The following PGBD4 variants were observed in gnomAD, a reference collection of about 807,000 sequenced individuals.
PGBD4 encodes piggyBac transposable element-derived protein 4.
PGBD4 carries 1 observed loss-of-function variant against 0.3 expected under a neutral mutation model. The observed-to-expected ratio is 3.72, with a 90% CI of 1.32 to 17.64. PGBD4 has a LOEUF of 17.64. PGBD4 is among the 30% of genes most tolerant of loss of function. PGBD4 has a pLI of 0.11. For synonymous variants in PGBD4, 253 were observed against 267.7 expected (o/e 0.95, Z 0.54); for missense variants, 624 against 719.7 (o/e 0.87, Z 1.52).
At position 34,102,109 on chromosome 15, in the gene PGBD4, T is replaced by G; in HGVS notation, c.-423T>G. On this transcript the variant is annotated 5_prime_UTR_variant, in exon 1 of 1. An upstream open reading frame in the 5' UTR loses its in-frame stop. Coordinates refer to ENST00000397766, the MANE Select transcript of PGBD4 (RefSeq NM_152595.5). The surrounding 1 kb of genome is among the most constrained non-coding windows in gnomAD (Gnocchi z 4.7). Reference sequence around the variant, plus strand: ...CCTATGAAGGGGACTGCCCATGAAGTGAAAGTCAAGTGTGTGTTGCTGCGG... The same window carrying G: ...CCTATGAAGGGGACTGCCCATGAAGGGAAAGTCAAGTGTGTGTTGCTGCGG... 1 of 516,804 alleles carries G rather than the reference T, an allele frequency of 1.9e-6. No individual in the cohort carries two copies. The highest frequency in any genetic ancestry group is 3.3e-5 in the East Asian group (1 of 30,424). The allele number at this position is 516,804 out of a possible 1,614,324, so 32.0% of individuals were successfully genotyped here. A position where few individuals can be genotyped will look rare whatever the true frequency, so the allele number is the denominator to read the frequency against.
In PGBD4 at chr15:34,103,002, C is replaced by G; in HGVS notation, c.471C>G (p.Val157=). The G allele has an allele frequency of 6.2e-7, 1 of 1,614,036 alleles. No homozygotes were observed. The highest frequency in any genetic ancestry group is 8.5e-7 in the Non-Finnish European group (1 of 1,180,032). The part of the protein sequence containing the change: ...WKDTDNDELK[V]FFAVMLLQGI... ...ACACTGACAATGACGAGCTCAAAGT[C>G]TTTTTTGCAGTAATGTTACTGCAAG... The change falls in exon 1 of 1, where the codon GTC becomes GTG. Residue 157 remains valine (V), a synonymous_variant. Coordinates refer to ENST00000397766, the MANE Select transcript of PGBD4 (RefSeq NM_152595.5). The surrounding 1 kb of genome is among the most constrained non-coding windows in gnomAD (Gnocchi z 4.6).
Position 34,107,181 on chromosome 15 carries a change from G to T in PGBD4, c.*2892G>T, listed in dbSNP as rs1439999183. The T allele has an allele frequency of 6.6e-6, 1 of 151,566 alleles. No individual in the cohort carries two copies. Among genetic ancestry groups the T allele is most frequent in the African/African-American group, 2.4e-5 (1 of 41,250 alleles). The allele number at this position is 151,566 out of a possible 1,614,324, so 9.4% of individuals were successfully genotyped here. On this transcript the variant is annotated 3_prime_UTR_variant, in exon 1 of 1. Transcript: ENST00000397766. ...ATTATATATAACTATAATGTGTACTGTTTTACATACATATTTCCAAAGTAT... is the reference window on the plus strand; with the variant it reads ...ATTATATATAACTATAATGTGTACTTTTTTACATACATATTTCCAAAGTAT...
rs141734203 is a variant in PGBD4 at position 34,102,799 on chromosome 15, G to A, written c.268G>A (p.Gly90Ser). Residue 90 changes from glycine to serine, a missense_variant, in exon 1 of 1, where the codon GGC becomes AGC. Gly to Ser is a moderately conservative substitution (Grantham distance 56). Transcript: ENST00000397766. This position sits in a 1 kb window ranked among gnomAD's most constrained non-coding sequence, Gnocchi z 4.7. ...MIPRQRYDFT[G>S]TPGRKVDVSD... ...TCCACGTCAAAGGTATGACTTTACC[G>A]GCACACCTGGCAGAAAAGTCGATGT... 5.7e-4 allele frequency: 921 copies of A among 1,614,092 alleles called. 5 individuals carry two copies. The highest frequency in any genetic ancestry group is 9.9e-5 in the South Asian group (9 of 91,072).
chr15:34,104,111 G>T lies in PGBD4; in HGVS notation c.1580G>T (p.Ser527Ile). ...LRLSGRHFPK[S>I]IPATSGKQNP... is the part of the protein sequence containing the mutation. ...CTGTCTGGAAGACATTTCCCCAAGA[G>T]CATACCAGCAACGTCCGGGAAACAG... The change falls in exon 1 of 1, where the codon AGC (serine) becomes ATC (isoleucine). Residue 527 changes from serine to isoleucine, a missense_variant. Transcript: ENST00000397766. 1.3e-5 allele frequency: 21 copies of T among 1,614,192 alleles called. No homozygotes were observed. Among genetic ancestry groups the T allele is most frequent in the Non-Finnish European group, 1.8e-5 (21 of 1,180,036 alleles).
chr15:34,103,852 T>C lies in PGBD4; in HGVS notation c.1321T>C (p.Tyr441His). Reference sequence around the variant, plus strand: ...CTCGGCTGATCAAATGCTTACTTCTTATCCATCTGAGCGCAAAAGACACAA... The same window carrying C: ...CTCGGCTGATCAAATGCTTACTTCTCATCCATCTGAGCGCAAAAGACACAA... ...VDSADQMLTSYPSERKRHKVW... is the reference protein window; with the variant it reads ...VDSADQMLTSHPSERKRHKVW... Residue 441 changes from tyrosine to histidine, a missense_variant, in exon 1 of 1, where the codon TAT becomes CAT. By Grantham distance (83) the Tyr-to-His change is moderately conservative. Transcript: ENST00000397766. The surrounding 1 kb of genome is among the most constrained non-coding windows in gnomAD (Gnocchi z 4.6). The C allele has an allele frequency of 6.2e-7, 1 of 1,614,150 alleles. No homozygotes were observed. The highest frequency in any genetic ancestry group is 8.5e-7 in the Non-Finnish European group (1 of 1,180,038).
rs959944014 is a variant in PGBD4, at chr15:34,107,015, G to GTA, written c.*2735_*2736dup. ...AACAAATCCATATATACATATATAT[G>GTA]TATATATATAGTATGCTACCAGTTG... On this transcript the variant is annotated 3_prime_UTR_variant, in exon 1 of 1. Transcript: ENST00000397766. 3.5e-5 allele frequency: 5 copies of GTA among 141,274 alleles called. No homozygotes were observed. Among genetic ancestry groups the GTA allele is most frequent in the African/African-American group, 1.3e-4 (5 of 38,364 alleles). 8.8% of individuals were successfully genotyped at this position (141,274 alleles called of 1,614,324 possible).
At position 34,103,836 on chromosome 15, in the gene PGBD4, T is replaced by C. The variant is rs767019342; in HGVS notation, c.1305T>C (p.Asp435=). ...ATATGGGAGCAGTGGACTCGGCTGATCAAATGCTTACTTCTTATCCATCTG... is the reference window on the plus strand; with the variant it reads ...ATATGGGAGCAGTGGACTCGGCTGACCAAATGCTTACTTCTTATCCATCTG... ...NENMGAVDSA[D]QMLTSYPSER... is the part of the protein sequence containing the mutation. Residue 435 remains aspartate (D), a synonymous_variant, in exon 1 of 1, where the codon GAT becomes GAC. Coordinates refer to ENST00000397766, the MANE Select transcript of PGBD4 (RefSeq NM_152595.5). The surrounding 1 kb of genome is among the most constrained non-coding windows in gnomAD (Gnocchi z 4.6). 6.2e-7 allele frequency: 1 copy of C among 1,614,174 alleles called. No individual in the cohort carries two copies. Among genetic ancestry groups the C allele is most frequent in the East Asian group, 2.2e-5 (1 of 44,886 alleles).
In PGBD4 at chr15:34,103,167, A is replaced by C. The variant is rs1184118302; in HGVS notation, c.636A>C (p.Ile212=). Residue 212 remains isoleucine (I), a synonymous_variant, in exon 1 of 1, where the codon ATA becomes ATC. Transcript: ENST00000397766. This position sits in a 1 kb window ranked among gnomAD's most constrained non-coding sequence, Gnocchi z 4.6. Reference sequence around the variant, plus strand: ...TGCATTTTGTCAACAATTCTTCTATATCTGCTGGTCAATCAAAGGCCCAGA... The same window carrying C: ...TGCATTTTGTCAACAATTCTTCTATCTCTGCTGGTCAATCAAAGGCCCAGA... ...RCLHFVNNSS[I]SAGQSKAQIS... is the part of the protein sequence containing the mutation. The C allele has an allele frequency of 6.2e-7, 1 of 1,613,942 alleles. No individual in the cohort carries two copies. The highest frequency in any genetic ancestry group is 8.5e-7 in the Non-Finnish European group (1 of 1,180,034).
chr15:34,103,806 C>T lies in PGBD4; in HGVS notation c.1275C>T (p.Asn425=), dbSNP rs150439272. 4.7e-5 allele frequency: 76 copies of T among 1,614,026 alleles called. No individual in the cohort carries two copies. The East Asian group carries it at 1.4e-3, about 29-fold the overall frequency. The change falls in exon 1 of 1, where the codon AAC becomes AAT. Residue 425 remains asparagine (N), a synonymous_variant. Transcript: ENST00000397766. The surrounding 1 kb of genome is among the most constrained non-coding windows in gnomAD (Gnocchi z 4.6). ...TKRPRVIVDY[N]ENMGAVDSAD... is the part of the protein sequence containing the mutation. ...GGCCACGTGTCATTGTGGATTATAA[C>T]GAGAATATGGGAGCAGTGGACTCGG... is the stretch of plus-strand genomic sequence containing the variant.
rs984396939 is a variant in PGBD4 at position 34,102,362 on chromosome 15, A to G, written c.-170A>G. The G allele has an allele frequency of 2.4e-5, 24 of 1,020,268 alleles. No individual in the cohort carries two copies. Among genetic ancestry groups the G allele is most frequent in the Non-Finnish European group, 3.3e-5 (24 of 735,970 alleles). The allele number at this position is 1,020,268 out of a possible 1,614,324, so 63.2% of individuals were successfully genotyped here. A position where few individuals can be genotyped will look rare whatever the true frequency, so the allele number is the denominator to read the frequency against. Reference sequence around the variant, plus strand: ...TTTACGCCGAGATAACTCGTGGATTACAGTGCCAACCTTACTCCCAAAGTT... The same window carrying G: ...TTTACGCCGAGATAACTCGTGGATTGCAGTGCCAACCTTACTCCCAAAGTT... On this transcript the variant is annotated 5_prime_UTR_variant, in exon 1 of 1. Coordinates refer to ENST00000397766, the MANE Select transcript of PGBD4 (RefSeq NM_152595.5). The surrounding 1 kb of genome is among the most constrained non-coding windows in gnomAD (Gnocchi z 4.7).
In PGBD4 at chr15:34,107,044, G is replaced by A. The variant is rs531146213; in HGVS notation, c.*2755G>A. 1 of 147,728 alleles carries A rather than the reference G, an allele frequency of 6.8e-6. No individual in the cohort carries two copies. The highest frequency in any genetic ancestry group is 6.8e-5 in the Admixed American group (1 of 14,724). 9.2% of individuals were successfully genotyped at this position (147,728 alleles called of 1,614,324 possible). The stretch of plus-strand genomic sequence containing the variant: ...ATATATAGTATGCTACCAGTTGTGT[G>A]AAAAAAGGGGCAAAATATATATTTA... On this transcript the variant is annotated 3_prime_UTR_variant, in exon 1 of 1. Transcript: ENST00000397766.
chr15:34,103,285 TCA>T lies in PGBD4; in HGVS notation c.756_757del (p.Leu253AspfsTer29). 1 of 1,614,222 alleles carries T rather than the reference TCA, an allele frequency of 6.2e-7. No individual in the cohort carries two copies. The highest frequency in any genetic ancestry group is 8.5e-7 in the Non-Finnish European group (1 of 1,180,040). The part of the protein sequence containing the change: ...TPNRNIAVDE[S>X]LMLFKGPLAM... ...AAACAGAAACATTGCAGTTGATGAA[TCA>T]CTGATGCTGTTCAAGGGGCCATTAG... On this transcript the variant is annotated frameshift_variant, in exon 1 of 1. Transcript: ENST00000397766. LOFTEE classifies it low-confidence loss of function (END_TRUNC). The surrounding 1 kb of genome is among the most constrained non-coding windows in gnomAD (Gnocchi z 4.6).
chr15:34,103,670 G>A lies in PGBD4; in HGVS notation c.1139G>A (p.Gly380Asp), dbSNP rs765690362. ...GGGACGACTGTAGCCAGATTCTGTG[G>A]TGAACTTATGGCACTGAAATGGTGT... ...AKGTTVARFC[G>D]ELMALKWCDG... Residue 380 changes from glycine (G) to aspartate (D), a missense_variant, in exon 1 of 1, where the codon GGT (glycine) becomes GAT (aspartate). Transcript: ENST00000397766. The surrounding 1 kb of genome is among the most constrained non-coding windows in gnomAD (Gnocchi z 4.6). 5 of 1,614,228 alleles carry A rather than the reference G, an allele frequency of 3.1e-6. No individual in the cohort carries two copies. The South Asian group carries it at 4.4e-5, about 14-fold the overall frequency.
chr15:34,105,953 C>T lies in PGBD4; in HGVS notation c.*1664C>T, dbSNP rs1158030345. 6.0e-6 allele frequency: 1 copy of T among 167,056 alleles called. No individual in the cohort carries two copies. The highest frequency in any genetic ancestry group is 1.5e-5 in the Non-Finnish European group (1 of 68,152). The allele number at this position is 167,056 out of a possible 1,614,324, so 10.3% of individuals were successfully genotyped here. Reference sequence around the variant, plus strand: ...GCAAGGCCATCAGAAAACTTCTTCCCAAGGCCACACCACACCTGCAAAATG... The same window carrying T: ...GCAAGGCCATCAGAAAACTTCTTCCTAAGGCCACACCACACCTGCAAAATG... On this transcript the variant is annotated 3_prime_UTR_variant, in exon 1 of 1. Coordinates refer to ENST00000397766, the MANE Select transcript of PGBD4 (RefSeq NM_152595.5).
chr15:34,103,750 G>T lies in PGBD4; in HGVS notation c.1219G>T (p.Val407Leu). 1 of 1,614,198 alleles carries T rather than the reference G, an allele frequency of 6.2e-7. No individual in the cohort carries two copies. Among genetic ancestry groups the T allele is most frequent in the Non-Finnish European group, 8.5e-7 (1 of 1,180,034 alleles). The stretch of plus-strand genomic sequence containing the variant: ...ATTCCACAATGATACTGTGATTGAA[G>T]TAAACAATAGAAATGGAAAGAAAAC... ...STFHNDTVIE[V>L]NNRNGKKTKR... Residue 407 changes from valine (V) to leucine (L), a missense_variant, in exon 1 of 1, where the codon GTA becomes TTA. Coordinates refer to ENST00000397766, the MANE Select transcript of PGBD4 (RefSeq NM_152595.5). This position sits in a 1 kb window ranked among gnomAD's most constrained non-coding sequence, Gnocchi z 4.6.
rs1901238649 is a variant in PGBD4 at position 34,104,270 on chromosome 15, A to G, written c.1739A>G (p.His580Arg). 1 of 1,611,936 alleles carries G rather than the reference A, an allele frequency of 6.2e-7. No homozygotes were observed. Among genetic ancestry groups the G allele is most frequent in the South Asian group, 1.1e-5 (1 of 90,932 alleles). Residue 580 changes from histidine to arginine, a missense_variant, in exon 1 of 1, where the codon CAC (histidine) becomes CGC (arginine). Coordinates refer to ENST00000397766, the MANE Select transcript of PGBD4 (RefSeq NM_152595.5). The stretch of plus-strand genomic sequence containing the variant: ...GTTGTTCCGTGCTTTGAAATTTACC[A>G]CACGAAAAAAAATTATTAAATACCG... ...LCVVPCFEIY[H>R]TKKNY
In PGBD4 at chr15:34,104,372, C is replaced by G. The variant is rs911643983; in HGVS notation, c.*83C>G. 5 of 1,428,344 alleles carry G rather than the reference C, an allele frequency of 3.5e-6. No homozygotes were observed. Among genetic ancestry groups the G allele is most frequent in the Non-Finnish European group, 4.7e-6 (5 of 1,061,474 alleles). 88.5% of individuals were successfully genotyped at this position (1,428,344 alleles called of 1,614,324 possible). A position where few individuals can be genotyped will look rare whatever the true frequency, so the allele number is the denominator to read the frequency against. On this transcript the variant is annotated 3_prime_UTR_variant, in exon 1 of 1. Coordinates refer to ENST00000397766, the MANE Select transcript of PGBD4 (RefSeq NM_152595.5). ...ATAACTCCAAGATTGGGAGGCCGAC[C>G]TGGGTGGATCACCTGAGATCAGGAA...
In PGBD4 at chr15:34,103,465, C is replaced by T. The variant is rs1481289569; in HGVS notation, c.934C>T (p.Arg312Cys). The T allele has an allele frequency of 1.9e-6, 3 of 1,614,200 alleles. No homozygotes were observed. The highest frequency in any genetic ancestry group is 1.7e-6 in the Non-Finnish European group (2 of 1,180,028). ...TTCAGCGGATGGCCTGAAATCATCA[C>T]GCATTGTTCTTACCTTGGTCAATGA... is the stretch of plus-strand genomic sequence containing the variant. ...KDSADGLKSS[R>C]IVLTLVNDLL... is the part of the protein sequence containing the mutation. Residue 312 changes from arginine to cysteine, a missense_variant, in exon 1 of 1, where the codon CGC becomes TGC. Transcript: ENST00000397766. This position sits in a 1 kb window ranked among gnomAD's most constrained non-coding sequence, Gnocchi z 4.6.
At position 34,103,403 on chromosome 15, in the gene PGBD4, C is replaced by T. The variant is rs769720800; in HGVS notation, c.872C>T (p.Ala291Val). The change falls in exon 1 of 1, where the codon GCG (alanine) becomes GTG (valine). Residue 291 changes from alanine (A) to valine (V), a missense_variant. Transcript: ENST00000397766. The surrounding 1 kb of genome is among the most constrained non-coding windows in gnomAD (Gnocchi z 4.6). ...AGTCAGTCTGGTTATGTGTGGAATG[C>T]GCTTGTTCACACAGGGCCTGGCATG... The part of the protein sequence containing the change: ...CESQSGYVWN[A>V]LVHTGPGMNL... The T allele has an allele frequency of 2.5e-6, 4 of 1,614,200 alleles. No homozygotes were observed. The highest frequency in any genetic ancestry group is 3.3e-5 in the Admixed American group (2 of 60,022).
Sources: gnomAD v4.1 joint callset for allele counts on GRCh38, gnomAD v4.1.1 for gene constraint, Gnocchi (gnomAD v3.1) non-coding constraint, MANE v1.5 for transcripts, NCBI Gene and HGNC (gene_info 2026-07-23, HGNC 2026-07-21) for gene names.